The following CPNE8 variants were observed in gnomAD, a reference collection of about 807,000 sequenced individuals.
CPNE8 encodes the protein copine 8, also known as copine-8.
A neutral mutation model predicts 81.5 loss-of-function variants in CPNE8; 45 were observed. That is an observed-to-expected ratio of 0.55 (90% confidence interval 0.44 to 0.71). The LOEUF (loss-of-function observed/expected upper bound fraction) is 0.71, where lower values mean the gene tolerates loss of function less well. Among genes scored for constraint, CPNE8 ranks in the 30% least tolerant of loss-of-function variants. CPNE8 has a pLI of 0.00. For missense variants in CPNE8, 594 were observed against 672.1 expected (o/e 0.88, Z 1.28); for synonymous variants, 252 against 226.3 (o/e 1.11, Z -1.02).
intron 13 of CPNE8, among the ~76,000 whole-genome samples, chr12:38,706,641 T>C (rs148316358): frequency 6.6e-6 from 1 of 152,190 alleles, no homozygotes; most frequent in African/African-American, 2.4e-5. Context: ...TAAGAATATA[T>C]GTTTTAGCAG....
At chr12:38,805,877 G>C (rs1267692493) in intron 6 of CPNE8, among the ~76,000 whole-genome samples, 2 of 149,352 alleles carry the variant, frequency 1.3e-5, no homozygotes, top group South Asian at 2.2e-4. Flanking sequence ...TAAAGAAGAA[G>C]AGAGAAGAAT....
At chr12:38,793,900 T>C (rs981730767) in intron 6 of CPNE8, among the ~76,000 whole-genome samples, 1 of 151,964 alleles carries the variant, frequency 6.6e-6, no homozygotes, top group African/African-American at 2.4e-5. Flanking sequence ...AATACAGAGC[T>C]CAGAAATACA....
In CPNE8 at chr12:38,668,970, C is replaced by T. The variant is rs141030438; in HGVS notation, c.1506+1759G>A. Among the ~76,000 whole-genome samples, 247 of 152,054 alleles carry T rather than the reference C, an allele frequency of 1.6e-3. 2 individuals are homozygous for T. Among genetic ancestry groups the T allele is most frequent in the African/African-American group, 5.8e-3 (239 of 41,462 alleles). ...TCGAGAGGCTGAGGCAGGAGAATGA[C>T]GTTAACCCAGGAGACGGAGCTTGCA... On this transcript the variant is annotated intron_variant, in intron 19 of 19. Transcript: ENST00000331366.
rs368864805 is a variant in CPNE8 at position 38,902,417 on chromosome 12, AAAAGAAAG to A, written c.98+3012_98+3019del. On this transcript the variant is annotated intron_variant, in intron 1 of 19. Transcript: ENST00000331366. ...AGAGAAAGAAAGAAAGAAAGAAAGA[AAAAGAAAG>A]AAAGAAAGAAAGGAGAGAGAGAAAG... Among the ~76,000 whole-genome samples, 39 of 72,912 alleles carry A rather than the reference AAAAGAAAG, an allele frequency of 5.3e-4. 5 individuals are homozygous for A. The highest frequency in any genetic ancestry group is 2.5e-3 in the African/African-American group (36 of 14,644). The allele number at this position is 72,912 out of a possible 152,430, so 47.8% of individuals were successfully genotyped here.
intron 14 of CPNE8, among the ~76,000 whole-genome samples, chr12:38,695,564 C>CT (rs1305888573): frequency 6.6e-6 from 1 of 152,176 alleles, no homozygotes; most frequent in Non-Finnish European, 1.5e-5. Flanking sequence ...TGTGATTTTT[C>CT]TTTGACACTT....
intron 3 of CPNE8, among the ~76,000 whole-genome samples, chr12:38,850,928 T>C (rs1184631045): frequency 6.6e-6 from 1 of 152,200 alleles, no homozygotes; most frequent in Non-Finnish European, 1.5e-5. Flanking sequence ...AGTATTAAGA[T>C]ATAGAGCATT....
At chr12:38,758,179 C>A (rs1183569020) in intron 10 of CPNE8, among the ~76,000 whole-genome samples, 1 of 151,638 alleles carries the variant, frequency 6.6e-6, no homozygotes, top group Admixed American at 6.6e-5. Flanking sequence ...TATTCTTGCT[C>A]TTATTATAGC....
intron 9 of CPNE8, among the ~76,000 whole-genome samples, chr12:38,761,576 A>G (rs1015395034): frequency 1.3e-5 from 2 of 152,140 alleles, no homozygotes; most frequent in African/African-American, 2.4e-5. Context: ...GAAGATTGAG[A>G]TTTTTACTTT....
intron 13 of CPNE8, among the ~76,000 whole-genome samples, chr12:38,704,278 C>A (rs1232938977): frequency 6.6e-6 from 1 of 152,114 alleles, no homozygotes; most frequent in Non-Finnish European, 1.5e-5. Context: ...AAGAAACACA[C>A]AAGATTTTCT....
At chr12:38,862,488 G>A (rs1042225108) in intron 3 of CPNE8, among the ~76,000 whole-genome samples, 2 of 152,082 alleles carry the variant, frequency 1.3e-5, no homozygotes, top group African/African-American at 4.8e-5. Context: ...CTGTACGCCC[G>A]ACATAGCTTC....
At chr12:38,861,155 A>T (rs1202234124) in intron 3 of CPNE8, among the ~76,000 whole-genome samples, 1 of 152,184 alleles carries the variant, frequency 6.6e-6, no homozygotes, top group African/African-American at 2.4e-5. Context: ...ATACTGTATA[A>T]TTCCACTTAC....
chr12:38,906,334 G>T (rs188171410), upstream of CPNE8: 5 of 983,958 alleles, frequency 5.1e-6, no homozygotes, highest in East Asian at 4.5e-4. Flanking sequence ...AGTGGGGGCG[G>T]GGGGGCGGAC....
chr12:38,884,450 T>A (rs1944210133), intron 1 of CPNE8, among the ~76,000 whole-genome samples: 2 of 152,200 alleles, frequency 1.3e-5, no homozygotes, highest in Non-Finnish European at 2.9e-5. Context: ...CATAGATATT[T>A]GGGTTGTTTC....
At chr12:38,774,747 T>G (rs1035600602) in intron 7 of CPNE8, among the ~76,000 whole-genome samples, 1 of 152,104 alleles carries the variant, frequency 6.6e-6, no homozygotes, top group Admixed American at 6.6e-5. Context: ...AAACCAAAAC[T>G]TGAGTCTGAT....
At chr12:38,835,975 T>G (rs950970848) in intron 5 of CPNE8, among the ~76,000 whole-genome samples, 25 of 152,178 alleles carry the variant, frequency 1.6e-4, no homozygotes, top group Admixed American at 2.0e-4. Context: ...ACAGTTTCTA[T>G]GTTATCTGGT....
intron 13 of CPNE8, among the ~76,000 whole-genome samples, chr12:38,722,334 T>G (rs889584081): frequency 2.0e-5 from 3 of 152,222 alleles, no homozygotes; most frequent in Non-Finnish European, 4.4e-5. Context: ...TCTTAGTCTG[T>G]GCAGCCACTT....
intron 3 of CPNE8, among the ~76,000 whole-genome samples, chr12:38,872,050 G>A (rs533861144): frequency 5.3e-5 from 8 of 152,132 alleles, no homozygotes; most frequent in South Asian, 2.1e-4. Flanking sequence ...CAGGAGAATC[G>A]CTTGAACCTG....
chr12:38,809,002 A>T (rs889324654), intron 6 of CPNE8, among the ~76,000 whole-genome samples: 2 of 152,136 alleles, frequency 1.3e-5, no homozygotes, highest in African/African-American at 2.4e-5. Flanking sequence ...AAAAGTAAAA[A>T]CAAGTGGAAT....
rs187151576 is a variant in CPNE8, at chr12:38,678,091, A to G, written c.1272-537T>C. ...ACTACATAGAGGTAATGGTTGCAAC[A>G]TTACAAATTTACTAAATGTCATTGA... On this transcript the variant is annotated intron_variant, in intron 16 of 19. Transcript: ENST00000331366. Among the ~76,000 whole-genome samples the G allele has an allele frequency of 4.6e-3, 703 of 152,196 alleles. 4 individuals carry two copies. The highest frequency in any genetic ancestry group is 0.027 in the Middle Eastern group (8 of 292).
Sources: allele counts gnomAD v4.1 joint callset (sites outside exome capture counted in the v4.1 genomes callset), GRCh38; gene constraint gnomAD v4.1.1; transcripts MANE v1.5; gene names NCBI Gene and HGNC (gene_info 2026-07-23, HGNC 2026-07-21).